The following SLC22A23 variants were observed in gnomAD, a reference collection of about 807,000 sequenced individuals.
SLC22A23 encodes solute carrier family 22 member 23.
SLC22A23 carries 26 observed loss-of-function variants against 61.0 expected under a neutral mutation model. The observed-to-expected ratio is 0.43, with a 90% confidence interval of 0.31 to 0.59. SLC22A23 has a LOEUF of 0.59. Among genes scored for constraint, SLC22A23 ranks in the 20% least tolerant of loss-of-function variants. The probability of loss-of-function intolerance (pLI) is 0.11; values close to 1 mark genes in which losing one functional copy is unlikely to be tolerated. For missense variants in SLC22A23, 796 were observed against 934.7 expected (o/e 0.85, Z 1.94); for synonymous variants, 430 against 413.9 (o/e 1.04, Z -0.47).
intron 1 of SLC22A23, among the ~76,000 whole-genome samples, chr6:3,452,213 C>T (rs562151996): frequency 1.3e-5 from 2 of 152,202 alleles, no homozygotes; most frequent in Admixed American, 6.5e-5. Context: ...CAACACCATC[C>T]GAAGCAGAGG....
Position 3,283,955 on chromosome 6 carries a change from C to T in SLC22A23, c.1600G>A (p.Asp534Asn), listed in dbSNP as rs1479325025. The change falls in exon 9 of 10, where the codon GAC (aspartate) becomes AAC (asparagine). Residue 534 changes from aspartate to asparagine, a missense_variant. By Grantham distance (23) the Asp-to-Asn change is conservative. Coordinates refer to ENST00000406686, the MANE Select transcript of SLC22A23 (RefSeq NM_015482.2). Reference protein sequence around the residue: ...PDSGMSDSVKDKFSIAFSIVG... With the variant: ...PDSGMSDSVKNKFSIAFSIVG... ...ATGGAAAACGCGATGGAAAATTTGT[C>T]CTTGACGCTGTCACTCATCCCTGGG... The T allele has an allele frequency of 2.5e-6, 4 of 1,606,474 alleles. No individual in the cohort carries two copies. Among genetic ancestry groups the T allele is most frequent in the Non-Finnish European group, 3.4e-6 (4 of 1,173,886 alleles).
At chr6:3,444,679 G>A (rs977456519) in intron 1 of SLC22A23, 6 of 586,084 alleles carry the variant, frequency 1.0e-5, no homozygotes, top group East Asian at 2.8e-4. Context: ...TTCTGATCCC[G>A]GCCTCTCTCT....
chr6:3,426,598 C>A (rs1171914742), intron 1 of SLC22A23, among the ~76,000 whole-genome samples: 1 of 152,200 alleles, frequency 6.6e-6, no homozygotes, highest in Non-Finnish European at 1.5e-5. Flanking sequence ...AGATGGTAAA[C>A]CAGTTTTTCT....
chr6:3,312,549 G>A (rs893254805), intron 4 of SLC22A23: 2 of 152,068 alleles, frequency 1.3e-5, no homozygotes, highest in Non-Finnish European at 2.9e-5. Context: ...AACAAGTCGC[G>A]ACACCTTAGC....
At chr6:3,287,697 G>GTTTTT (rs1291687674) in intron 6 of SLC22A23, among the ~76,000 whole-genome samples, 1 of 149,070 alleles carries the variant, frequency 6.7e-6, no homozygotes, top group African/African-American at 2.5e-5. Context: ...GTTTTGTTTT[G>GTTTTT]TTTTTGAGTA....
At chr6:3,396,505 C>T (rs973563665) in intron 3 of SLC22A23, among the ~76,000 whole-genome samples, 3 of 152,102 alleles carry the variant, frequency 2.0e-5, no homozygotes, top group East Asian at 3.9e-4. Flanking sequence ...GCCAAGATCG[C>T]GCCACTGCAC....
intron 3 of SLC22A23, among the ~76,000 whole-genome samples, chr6:3,379,671 G>A (rs1766827809): frequency 1.3e-5 from 2 of 151,928 alleles, no homozygotes; most frequent in Non-Finnish European, 2.9e-5. Context: ...CTCCCACCAA[G>A]ACTACCCTCG....
At chr6:3,310,369 C>T (rs867301478) in intron 4 of SLC22A23, among the ~76,000 whole-genome samples, 2 of 67,254 alleles carry the variant, frequency 3.0e-5, no homozygotes, top group African/African-American at 1.2e-4. Context: ...GTCTCCCACT[C>T]GAGCACCCTG....
rs913376806 is a variant in SLC22A23 at position 3,274,416 on chromosome 6, G to A, written c.1704-1004C>T. Among the ~76,000 whole-genome samples the A allele has an allele frequency of 4.6e-5, 7 of 152,264 alleles. No individual in the cohort carries two copies. The South Asian group carries it at 6.2e-4, about 14-fold the overall frequency. On this transcript the variant is annotated intron_variant, in intron 9 of 9. Coordinates refer to ENST00000406686, the MANE Select transcript of SLC22A23 (RefSeq NM_015482.2). ...AAGAGGGAGTGGAGTTGTGTGCCTC[G>A]CTCCACAGCAGCAGGTAGACTGGTC...
intron 3 of SLC22A23, among the ~76,000 whole-genome samples, chr6:3,375,899 T>C (rs1269672270): frequency 6.6e-6 from 1 of 152,242 alleles, no homozygotes. Flanking sequence ...TTCTGCTTAC[T>C]TGAAGTTGCC....
chr6:3,306,854 A>T lies in SLC22A23; in HGVS notation c.1083-8636T>A, dbSNP rs189389384. Among the ~76,000 whole-genome samples, 16 of 152,312 alleles carry T rather than the reference A, an allele frequency of 1.1e-4. No homozygotes were observed. The East Asian group carries it at 3.1e-3, about 29-fold the overall frequency. Reference sequence around the variant, plus strand: ...GGACAAGGACGCTGTCTAGAGCAGAATGTTCAAGCTGAGGTCACCCAGGAC... The same window carrying T: ...GGACAAGGACGCTGTCTAGAGCAGATTGTTCAAGCTGAGGTCACCCAGGAC... On this transcript the variant is annotated intron_variant, in intron 4 of 9. Transcript: ENST00000406686.
In SLC22A23 at chr6:3,297,405, C is replaced by T; in HGVS notation, c.1210+686G>A. ...TGATCTTCAAACGGAAATCTGTATA[C>T]CACTTGCATCAGAATCTCTTCTAGT... On this transcript the variant is annotated intron_variant, in intron 5 of 9. Coordinates refer to ENST00000406686, the MANE Select transcript of SLC22A23 (RefSeq NM_015482.2). The surrounding 1 kb of genome is among the most constrained non-coding windows in gnomAD (Gnocchi z 4.3). 6.6e-6 allele frequency among the ~76,000 whole-genome samples: 1 copy of T among 152,176 alleles called. No homozygotes were observed. Among genetic ancestry groups the T allele is most frequent in the Admixed American group, 6.5e-5 (1 of 15,272 alleles).
chr6:3,438,340 C>T (rs1174602895), intron 1 of SLC22A23: 7 of 359,842 alleles, frequency 1.9e-5, no homozygotes, highest in Admixed American at 3.6e-5. Context: ...CACTCACTTT[C>T]GGAGCCGGCA....
chr6:3,440,708 G>GAAA (rs1193698817), intron 1 of SLC22A23, among the ~76,000 whole-genome samples: 1 of 76,164 alleles, frequency 1.3e-5, no homozygotes, highest in African/African-American at 3.7e-5. Context: ...CTCCGTCTCA[G>GAAA]AAAAAAAAAA....
intron 3 of SLC22A23, among the ~76,000 whole-genome samples, chr6:3,389,951 C>G (rs1212715218): frequency 6.6e-6 from 1 of 152,206 alleles, no homozygotes; most frequent in Non-Finnish European, 1.5e-5. Flanking sequence ...GCTGATGTAC[C>G]CATCCTCCAA....
At chr6:3,303,961 G>C (rs1445363878) in intron 4 of SLC22A23, among the ~76,000 whole-genome samples, 1 of 152,192 alleles carries the variant, frequency 6.6e-6, no homozygotes, top group Non-Finnish European at 1.5e-5. Flanking sequence ...GTACAATTCT[G>C]ATGTGTTAAT....
intron 5 of SLC22A23, chr6:3,290,209 G>A (rs890910087): frequency 1.9e-5 from 7 of 367,606 alleles, no homozygotes; most frequent in South Asian, 1.4e-4. Context: ...AGAGCTCAGC[G>A]ATGATATTCT....
intron 6 of SLC22A23, among the ~76,000 whole-genome samples, chr6:3,289,330 G>A (rs908844398): frequency 1.6e-4 from 24 of 152,358 alleles, no homozygotes; most frequent in African/African-American, 4.8e-4. Flanking sequence ...CTCCACCCAC[G>A]GCTGTCCTGG....
At chr6:3,416,521 T>C (rs1303379807) in intron 1 of SLC22A23, among the ~76,000 whole-genome samples, 4 of 152,266 alleles carry the variant, frequency 2.6e-5, no homozygotes, top group Non-Finnish European at 5.9e-5. Context: ...ACTATTATAT[T>C]GTTTAATAAG....
Sources: allele counts gnomAD v4.1 joint callset (sites outside exome capture counted in the v4.1 genomes callset), GRCh38; gene constraint gnomAD v4.1.1; non-coding constraint Gnocchi (gnomAD v3.1); transcripts MANE v1.5; gene names NCBI Gene and HGNC (gene_info 2026-07-23, HGNC 2026-07-21).